THSD7B: variants seen among roughly 807,000 people sequenced by gnomAD.
THSD7B encodes thrombospondin type 1 domain containing 7B, also known as thrombospondin type-1 domain-containing protein 7B.
THSD7B carries 138 observed loss-of-function variants against 213.6 expected under a neutral mutation model. That is an observed-to-expected ratio of 0.65 (90% CI 0.56 to 0.74). The LOEUF (loss-of-function observed/expected upper bound fraction) is 0.74, where lower values mean the gene tolerates loss of function less well. Ranked by LOEUF, THSD7B falls within the 30% of genes least tolerant of loss-of-function variation. The pLI is 0.00. For synonymous variants in THSD7B, 742 were observed against 687.0 expected, an observed-to-expected ratio of 1.08 and a Z score of -1.25; for missense variants, 1,931 against 1,991.5, an observed-to-expected ratio of 0.97 and a Z score of 0.58.
chr2:136,766,650 G>T lies in THSD7B; in HGVS notation c.-36+963G>T, dbSNP rs543068992. On this transcript the variant is annotated intron_variant, in intron 1 of 27. Coordinates refer to ENST00000409968, the MANE Select transcript of THSD7B (RefSeq NM_001316349.2). ...AAGAAAAAAACTTTCGTTGGCGAAG[G>T]TGGTACTTTTTTCTTTTGGAATGTC... 1.1e-3 allele frequency among the ~76,000 whole-genome samples: 173 copies of T among 152,298 alleles called. 1 individual carries two copies. Among genetic ancestry groups the T allele is most frequent in the Admixed American group, 2.8e-3 (43 of 15,294 alleles).
chr2:137,284,378 G>GT (rs1231722530), intron 12 of THSD7B, among the ~76,000 whole-genome samples: 4 of 152,012 alleles, frequency 2.6e-5, no homozygotes, highest in Admixed American at 1.3e-4. Context: ...TTTTTGAAGG[G>GT]TTTTTTGTGT....
intron 5 of THSD7B, among the ~76,000 whole-genome samples, chr2:137,116,026 T>C (rs1688442685): frequency 6.6e-6 from 1 of 152,230 alleles, no homozygotes; most frequent in South Asian, 2.1e-4. Context: ...GAATGTTTCC[T>C]TGGGCTTGCC....
intron 2 of THSD7B, among the ~76,000 whole-genome samples, chr2:136,900,831 C>T (rs1440764251): frequency 6.6e-6 from 1 of 152,140 alleles, no homozygotes; most frequent in Non-Finnish European, 1.5e-5. Context: ...TAAGGGTGCA[C>T]AGCTGATTTT....
intron 17 of THSD7B, among the ~76,000 whole-genome samples, chr2:137,572,876 C>T (rs1037390310): frequency 2.6e-5 from 4 of 151,946 alleles, no homozygotes; most frequent in African/African-American, 9.7e-5. Context: ...AAATGATTCT[C>T]CTTATAATAT....
At chr2:136,798,104 C>G (rs1006895420) in intron 1 of THSD7B, among the ~76,000 whole-genome samples, 6 of 151,826 alleles carry the variant, frequency 4.0e-5, no homozygotes, top group African/African-American at 9.7e-5. Context: ...ATCAAGGATG[C>G]CTGTTGGTTT....
chr2:137,583,480 T>G (rs1231037437), intron 17 of THSD7B, among the ~76,000 whole-genome samples: 3 of 152,188 alleles, frequency 2.0e-5, no homozygotes, highest in African/African-American at 7.2e-5. Flanking sequence ...AGGTCTAACA[T>G]TTAAGTCTTA....
chr2:137,644,240 G>C (rs1263841805), intron 21 of THSD7B, among the ~76,000 whole-genome samples: 2 of 152,150 alleles, frequency 1.3e-5, no homozygotes, highest in African/African-American at 2.4e-5. Flanking sequence ...GACACTTCTA[G>C]TTGGGAAGAA....
chr2:137,541,051 C>T (rs1031361248), intron 15 of THSD7B, among the ~76,000 whole-genome samples: 23 of 151,788 alleles, frequency 1.5e-4, no homozygotes, highest in African/African-American at 5.3e-4. Context: ...TACGTATAGC[C>T]ACTCAGCAAA....
chr2:137,546,435 TTATATATATTATA>T (rs1353961547), intron 15 of THSD7B, among the ~76,000 whole-genome samples: 1 of 32,734 alleles, frequency 3.1e-5, no homozygotes. Context: ...TATATATATA[TTATATATATTATA>T]TATATATTAT....
intron 2 of THSD7B, among the ~76,000 whole-genome samples, chr2:136,909,945 A>T: frequency 6.6e-6 from 1 of 152,136 alleles, no homozygotes; most frequent in South Asian, 2.1e-4. Context: ...TGAGAGTGTA[A>T]TAGCCTAGGA....
intron 14 of THSD7B, among the ~76,000 whole-genome samples, chr2:137,424,150 C>A (rs1686988441): frequency 6.6e-6 from 1 of 151,812 alleles, no homozygotes; most frequent in African/African-American, 2.4e-5. Flanking sequence ...TATACCATGA[C>A]AAAAATTAAC....
At chr2:137,171,967 A>G (rs1201969483) in intron 7 of THSD7B, among the ~76,000 whole-genome samples, 1 of 151,676 alleles carries the variant, frequency 6.6e-6, no homozygotes, top group East Asian at 1.9e-4. Flanking sequence ...TGTATTAGCT[A>G]CAGCAGAGTT....
At chr2:137,493,990 A>C (rs950985339) in intron 15 of THSD7B, among the ~76,000 whole-genome samples, 6 of 152,204 alleles carry the variant, frequency 3.9e-5, no homozygotes, top group Non-Finnish European at 8.8e-5. Context: ...GACATTTTTG[A>C]ATGTAAAATT....
intron 7 of THSD7B, among the ~76,000 whole-genome samples, chr2:137,210,483 G>A (rs765556255): frequency 2.7e-4 from 41 of 151,900 alleles, no homozygotes; most frequent in Non-Finnish European, 5.3e-4. Context: ...TGAAGTATTC[G>A]TTCTTACAGT....
intron 10 of THSD7B, among the ~76,000 whole-genome samples, chr2:137,253,273 C>A (rs1682229418): frequency 1.3e-5 from 2 of 152,032 alleles, no homozygotes; most frequent in Non-Finnish European, 1.5e-5. Flanking sequence ...CCAAAGAAAA[C>A]AAAATAAATT....
chr2:137,313,335 C>T (rs1683972043), intron 12 of THSD7B, among the ~76,000 whole-genome samples: 1 of 151,992 alleles, frequency 6.6e-6, no homozygotes, highest in Non-Finnish European at 1.5e-5. Context: ...GCAACCCCTG[C>T]CTTTTTTTGT....
intron 2 of THSD7B, among the ~76,000 whole-genome samples, chr2:136,998,391 T>C (rs1331403980): frequency 6.6e-6 from 1 of 152,110 alleles, no homozygotes; most frequent in South Asian, 2.1e-4. Flanking sequence ...TCTGTTTTAG[T>C]GCAACACGTA....
intron 12 of THSD7B, among the ~76,000 whole-genome samples, chr2:137,352,503 A>C (rs1194215941): frequency 6.6e-6 from 1 of 152,012 alleles, no homozygotes; most frequent in East Asian, 1.9e-4. Flanking sequence ...TCCTGGCCTT[A>C]TAGACTCTTT....
At chr2:137,191,342 A>T (rs918396500) in intron 7 of THSD7B, among the ~76,000 whole-genome samples, 4 of 151,980 alleles carry the variant, frequency 2.6e-5, no homozygotes, top group Admixed American at 2.0e-4. Context: ...TTATTTTCAA[A>T]ATTGTATGTA....
Sources: allele counts gnomAD v4.1 joint callset (sites outside exome capture counted in the v4.1 genomes callset), GRCh38; gene constraint gnomAD v4.1.1; transcripts MANE v1.5; gene names NCBI Gene and HGNC (gene_info 2026-07-23, HGNC 2026-07-21).